Variants in METTL6 observed in about 807,000 individuals in gnomAD.
METTL6 encodes the protein tRNA N(3)-cytidine methyltransferase METTL6.
A neutral mutation model predicts 26.4 loss-of-function variants in METTL6; 22 were observed. The ratio of observed to expected loss-of-function variants is 0.83; its 90% CI spans 0.59 to 1.19. The LOEUF is 1.19. METTL6 is among the 50% of genes most tolerant of loss of function. METTL6 has a pLI of 0.00. For synonymous variants in METTL6, 109 were observed against 116.2 expected (o/e 0.94, Z 0.40); for missense variants, 304 against 324.8 (o/e 0.94, Z 0.49).
At chr3:15,413,319 A>G (rs1017672030) in intron 5 of METTL6, among the ~76,000 whole-genome samples, 4 of 152,212 alleles carry the variant, frequency 2.6e-5, no homozygotes, top group African/African-American at 9.6e-5. Flanking sequence ...TAACACCTGT[A>G]ATCCCACCAC....
Position 15,414,062 on chromosome 3 carries a change from TAA to T in METTL6, c.630_631del (p.Phe210LeufsTer3), listed in dbSNP as rs1700084898. 5.6e-6 allele frequency: 9 copies of T among 1,614,176 alleles called. No individual in the cohort carries two copies. Among genetic ancestry groups the T allele is most frequent in the Non-Finnish European group, 7.6e-6 (9 of 1,180,028 alleles). ...TGATCTGGTCCCATCTTGTCTAACA[TAA>T]AAGTTTTCTCCAAGTTTGCTGCTGG... is the stretch of plus-strand genomic sequence containing the variant. On this transcript the variant is annotated frameshift_variant, in exon 5 of 6. Coordinates refer to ENST00000383790, the MANE Select transcript of METTL6 (RefSeq NM_152396.4). LOFTEE classifies it high-confidence loss of function.
At chr3:15,404,802 C>G (rs766873489), downstream of METTL6, among the ~76,000 whole-genome samples, 1 of 152,140 alleles carries the variant, frequency 6.6e-6, no homozygotes, top group African/African-American at 2.4e-5. Context: ...GCCTCAGCTT[C>G]CCAAGTAGCT....
In METTL6 at chr3:15,410,215, C is replaced by G. The variant is rs949445709; in HGVS notation, c.*1041G>C. ...CCCCGTATCTGCGGGTGGTATGTTTCAAGACCCCCAGTGGTTGCCTGAAAC... is the reference window on the plus strand; with the variant it reads ...CCCCGTATCTGCGGGTGGTATGTTTGAAGACCCCCAGTGGTTGCCTGAAAC... On this transcript the variant is annotated 3_prime_UTR_variant, in exon 6 of 6. Transcript: ENST00000383790. 2.0e-5 allele frequency among the ~76,000 whole-genome samples: 3 copies of G among 152,022 alleles called. No homozygotes were observed. Among genetic ancestry groups the G allele is most frequent in the African/African-American group, 7.2e-5 (3 of 41,394 alleles).
downstream of METTL6, among the ~76,000 whole-genome samples, chr3:15,409,127 G>T (rs1045508367): frequency 2.6e-5 from 4 of 152,156 alleles, no homozygotes; most frequent in African/African-American, 9.7e-5. Flanking sequence ...ACAACACCCA[G>T]CACGCACAGT....
chr3:15,382,385 A>C (rs1575376936), exon 7 of METTL6: 1 of 152,402 alleles, frequency 6.6e-6, no homozygotes, highest in South Asian at 2.1e-4. Flanking sequence ...TAAAGATGAC[A>C]GACTAGACCA....
At chr3:15,409,132 C>T (rs1186993850), downstream of METTL6, among the ~76,000 whole-genome samples, 1 of 152,204 alleles carries the variant, frequency 6.6e-6, no homozygotes, top group East Asian at 1.9e-4. Context: ...ACCCAGCACG[C>T]ACAGTGTGAG....
chr3:15,420,374 A>C (rs2061584967), intron 3 of METTL6, among the ~76,000 whole-genome samples: 1 of 152,188 alleles, frequency 6.6e-6, no homozygotes, highest in Non-Finnish European at 1.5e-5. Flanking sequence ...GACTTTCTAG[A>C]TGTTTAGAAG....
intron 4 of METTL6, 24 bp downstream of exon 4, chr3:15,415,748 A>G: frequency 1.2e-6 from 2 of 1,610,256 alleles, no homozygotes; most frequent in African/African-American, 2.7e-5. Context: ...TCCAACCCTC[A>G]AGTGCAGGCC....
chr3:15,389,452 T>A (rs1200172798), intron 6 of METTL6, among the ~76,000 whole-genome samples: 1 of 152,220 alleles, frequency 6.6e-6, no homozygotes, highest in Non-Finnish European at 1.5e-5. Flanking sequence ...CATCTATTGA[T>A]CTTTAAGGAC....
At chr3:15,391,941 T>C (rs886673778) in intron 6 of METTL6, among the ~76,000 whole-genome samples, 1 of 152,158 alleles carries the variant, frequency 6.6e-6, no homozygotes, top group Non-Finnish European at 1.5e-5. Flanking sequence ...CTATTGTGAA[T>C]AGTGCTGCAA....
At chr3:15,406,053 T>C (rs1262203354), downstream of METTL6, among the ~76,000 whole-genome samples, 2 of 152,044 alleles carry the variant, frequency 1.3e-5, no homozygotes, top group African/African-American at 2.4e-5. Flanking sequence ...CTATACTATA[T>C]GTATTAATAT....
chr3:15,398,394 A>G (rs1370123238), intron 6 of METTL6, among the ~76,000 whole-genome samples: 1 of 152,068 alleles, frequency 6.6e-6, no homozygotes, highest in Non-Finnish European at 1.5e-5. Context: ...GGGTTTCACC[A>G]TGTTGGCCAG....
At chr3:15,425,216 T>C (rs375362010) in intron 2 of METTL6, 127 bp from the exon 3 acceptor site, 43 of 981,346 alleles carry the variant, frequency 4.4e-5, no homozygotes, top group Middle Eastern at 2.4e-4. Flanking sequence ...AGAGAACTAA[T>C]AAGCAAAAGC....
chr3:15,400,187 C>A (rs967522159), intron 6 of METTL6, among the ~76,000 whole-genome samples: 1 of 151,976 alleles, frequency 6.6e-6, no homozygotes, highest in Non-Finnish European at 1.5e-5. Context: ...TGCATTTCCT[C>A]CCCTCTCCCT....
At chr3:15,414,354 CTTCTT>C in intron 4 of METTL6, 192 bp from the exon 5 acceptor site, 1 of 1,293,856 alleles carries the variant, frequency 7.7e-7, no homozygotes, top group East Asian at 3.3e-5. Flanking sequence ...CACTAAGACA[CTTCTT>C]TTTTTTTTTT....
At chr3:15,414,633 G>T in intron 4 of METTL6, 1 of 285,118 alleles carries the variant, frequency 3.5e-6, no homozygotes, top group Non-Finnish European at 6.9e-6. Flanking sequence ...GATTACAGGC[G>T]TGAGCCACCT....
At chr3:15,396,009 T>A (rs547465725) in intron 6 of METTL6, among the ~76,000 whole-genome samples, 1 of 152,324 alleles carries the variant, frequency 6.6e-6, no homozygotes, top group East Asian at 1.9e-4. Context: ...CTTTGTGGTG[T>A]TCTCTGTATT....
At chr3:15,397,290 G>A (rs951452019) in intron 6 of METTL6, among the ~76,000 whole-genome samples, 4 of 152,220 alleles carry the variant, frequency 2.6e-5, no homozygotes, top group Non-Finnish European at 4.4e-5. Context: ...AGCCAGGCAC[G>A]GGATATAATC....
chr3:15,406,451 T>C (rs922981741), downstream of METTL6, among the ~76,000 whole-genome samples: 3 of 151,578 alleles, frequency 2.0e-5, no homozygotes, highest in Non-Finnish European at 4.4e-5. Flanking sequence ...TGGCTCATAG[T>C]TAAAATACTG....
Sources: gnomAD v4.1 joint callset for allele counts (sites outside exome capture counted in the v4.1 genomes callset) on GRCh38, gnomAD v4.1.1 for gene constraint, MANE v1.5 for transcripts, NCBI Gene and HGNC (gene_info 2026-07-23, HGNC 2026-07-21) for gene names.